The following STK32B variants were observed in gnomAD, a reference collection of about 807,000 sequenced individuals.
STK32B encodes the protein serine/threonine kinase 32B.
Under a neutral mutation model 52.6 loss-of-function variants are expected in STK32B, and 43 were observed. The observed-to-expected ratio is 0.82, with a 90% CI of 0.64 to 1.05. The LOEUF (loss-of-function observed/expected upper bound fraction) is 1.05. Among genes scored for constraint, STK32B ranks in the 50% least tolerant of loss-of-function variants. The pLI, the probability that STK32B is intolerant of heterozygous loss-of-function variation, is 0.00. For synonymous variants in STK32B, 238 were observed against 204.3 expected, an observed-to-expected ratio of 1.17 and a Z score of -1.41; for missense variants, 621 against 534.6, an observed-to-expected ratio of 1.16 and a Z score of -1.59.
At chr4:5,209,403 T>C (rs1002997826) in intron 3 of STK32B, among the ~76,000 whole-genome samples, 2 of 152,054 alleles carry the variant, frequency 1.3e-5, no homozygotes, top group African/African-American at 4.8e-5. Context: ...TTTGTATTTT[T>C]TGTAGAGATG....
At chr4:5,161,502 A>G (rs1206291322) in intron 2 of STK32B, among the ~76,000 whole-genome samples, 1 of 152,212 alleles carries the variant, frequency 6.6e-6, no homozygotes, top group Non-Finnish European at 1.5e-5. Context: ...GGTAGGAAGG[A>G]CAGGAAGAAA....
intron 4 of STK32B, among the ~76,000 whole-genome samples, chr4:5,358,701 G>GCGCGCGCGCACA (rs151338728): frequency 1.4e-3 from 151 of 106,810 alleles, no homozygotes; most frequent in African/African-American, 4.9e-3. Context: ...TCACACACAT[G>GCGCGCGCGCACA]CACACACACA....
intron 3 of STK32B, among the ~76,000 whole-genome samples, chr4:5,254,650 T>A (rs1726172688): frequency 6.6e-6 from 1 of 152,192 alleles, no homozygotes; most frequent in Admixed American, 6.5e-5. Context: ...TGTTATAAAA[T>A]TTCCAAACAT....
chr4:5,385,033 G>A (rs1736155431), intron 4 of STK32B, among the ~76,000 whole-genome samples: 3 of 152,126 alleles, frequency 2.0e-5, no homozygotes, highest in Admixed American at 6.5e-5. Context: ...CCCTCGAGTC[G>A]TGGTGGGACT....
intron 3 of STK32B, among the ~76,000 whole-genome samples, chr4:5,324,726 A>C (rs1731758994): frequency 6.6e-6 from 1 of 152,210 alleles, no homozygotes; most frequent in African/African-American, 2.4e-5. Context: ...GGAACCCTGC[A>C]CTATGCTGAG....
chr4:5,480,428 G>T (rs944330845), intron 11 of STK32B, among the ~76,000 whole-genome samples: 5 of 152,074 alleles, frequency 3.3e-5, no homozygotes, highest in African/African-American at 7.2e-5. Flanking sequence ...GTTCAGAAAG[G>T]CAGGACAACT....
chr4:5,223,816 C>CAA (rs1230344719), intron 3 of STK32B, among the ~76,000 whole-genome samples: 2,443 of 100,558 alleles, frequency 0.024, 54 homozygotes, highest in African/African-American at 0.063. Flanking sequence ...GACTCCGTTT[C>CAA]AAAAAAAAAA....
At chr4:5,139,520 T>A (rs527731420) in intron 1 of STK32B, 2 of 201,076 alleles carry the variant, frequency 9.9e-6, no homozygotes, top group East Asian at 2.3e-4. Context: ...AAGGGGAGAA[T>A]TGAGAGAGTG....
At chr4:5,179,991 G>A (rs940189809) in intron 3 of STK32B, among the ~76,000 whole-genome samples, 1 of 152,200 alleles carries the variant, frequency 6.6e-6, no homozygotes, top group Non-Finnish European at 1.5e-5. Flanking sequence ...CACAGTGGAG[G>A]ACAGTGCAGG....
the STK32B span, among the ~76,000 whole-genome samples, chr4:5,029,375 G>C: frequency 1.3e-5 from 2 of 152,194 alleles, no homozygotes; most frequent in Admixed American, 6.5e-5. Flanking sequence ...TTGCAGGCTG[G>C]GAGCAGACGA....
chr4:5,055,999 T>A (rs899323972), intron 1 of STK32B, among the ~76,000 whole-genome samples: 1 of 152,156 alleles, frequency 6.6e-6, no homozygotes, highest in African/African-American at 2.4e-5. Flanking sequence ...CCACGGACTG[T>A]TATCAGTTCG....
At chr4:5,318,760 C>G (rs1731286091) in intron 3 of STK32B, among the ~76,000 whole-genome samples, 1 of 152,008 alleles carries the variant, frequency 6.6e-6, no homozygotes, top group African/African-American at 2.4e-5. Context: ...ATGCAGTGGG[C>G]TGGATTCATG....
At chr4:5,279,908 C>T (rs563288091) in intron 3 of STK32B, among the ~76,000 whole-genome samples, 1 of 152,306 alleles carries the variant, frequency 6.6e-6, no homozygotes, top group Admixed American at 6.5e-5. Context: ...CCCAAGGCTG[C>T]ACAAAGCAGC....
chr4:5,173,032 T>G, intron 3 of STK32B, among the ~76,000 whole-genome samples: 1 of 152,236 alleles, frequency 6.6e-6, no homozygotes, highest in Non-Finnish European at 1.5e-5. Context: ...CTTGATTTAG[T>G]CTTGGGAGAG....
At chr4:5,489,600 C>G (rs991711996) in intron 11 of STK32B, among the ~76,000 whole-genome samples, 14 of 151,708 alleles carry the variant, frequency 9.2e-5, no homozygotes, top group Admixed American at 6.6e-5. Context: ...TCATTAACAA[C>G]AATTTTATTT....
At chr4:5,166,691 C>G (rs1375831009) in intron 2 of STK32B, among the ~76,000 whole-genome samples, 2 of 151,806 alleles carry the variant, frequency 1.3e-5, no homozygotes, top group Non-Finnish European at 2.9e-5. Context: ...GGGCAGGACC[C>G]TGCTGACACC....
At chr4:5,048,364 G>A (rs951713062), upstream of STK32B, among the ~76,000 whole-genome samples, 1 of 148,992 alleles carries the variant, frequency 6.7e-6, no homozygotes, top group African/African-American at 2.5e-5. Flanking sequence ...GCGATGGCGC[G>A]ATCTTGGCTC....
At chr4:5,360,627 G>A (rs1734483419) in intron 4 of STK32B, among the ~76,000 whole-genome samples, 2 of 152,118 alleles carry the variant, frequency 1.3e-5, no homozygotes, top group Non-Finnish European at 2.9e-5. Flanking sequence ...AAGCTGGAAA[G>A]CTGGAATAAA....
At chr4:5,199,432 T>G (rs1721949367) in intron 3 of STK32B, among the ~76,000 whole-genome samples, 1 of 152,196 alleles carries the variant, frequency 6.6e-6, no homozygotes, top group Non-Finnish European at 1.5e-5. Context: ...TGGTGCCTTA[T>G]GTGGCTTTGA....
Sources: allele counts gnomAD v4.1 joint callset (sites outside exome capture counted in the v4.1 genomes callset), GRCh38; gene constraint gnomAD v4.1.1; transcripts MANE v1.5; gene names NCBI Gene and HGNC (gene_info 2026-07-23, HGNC 2026-07-21).